The following IL23R variants were observed in gnomAD, a reference collection of about 807,000 sequenced individuals.
The protein encoded by IL23R is interleukin 23 receptor.
In IL23R, 34 loss-of-function variants were observed where a neutral mutation model predicts 56.9. The ratio of observed to expected loss-of-function variants is 0.60; its 90% CI spans 0.45 to 0.80. The LOEUF (loss-of-function observed/expected upper bound fraction) is 0.80. Ranked by LOEUF, IL23R falls within the 30% of genes least tolerant of loss-of-function variation. The pLI is 0.00. For synonymous variants in IL23R, 230 were observed against 249.2 expected, an observed-to-expected ratio of 0.92 and a Z score of 0.73; for missense variants, 635 against 730.0, an observed-to-expected ratio of 0.87 and a Z score of 1.50.
At chr1:67,193,703 G>A (rs1647913135) in intron 4 of IL23R, among the ~76,000 whole-genome samples, 1 of 152,164 alleles carries the variant, frequency 6.6e-6, no homozygotes. Context: ...CCAAAGTGTT[G>A]TTCTCCTTTC....
chr1:67,222,886 T>G (rs1650392129), intron 7 of IL23R, among the ~76,000 whole-genome samples: 1 of 152,208 alleles, frequency 6.6e-6, no homozygotes, highest in Non-Finnish European at 1.5e-5. Flanking sequence ...AATTTCATTC[T>G]TTAATTTCAG....
intron 1 of IL23R, among the ~76,000 whole-genome samples, chr1:67,157,810 T>C (rs1009350316): frequency 2.6e-5 from 4 of 152,246 alleles, no homozygotes; most frequent in Non-Finnish European, 5.9e-5. Flanking sequence ...ACTTTCTGTC[T>C]CTCTTCTCAG....
chr1:67,207,500 C>A (rs1649156323), intron 6 of IL23R: 1 of 314,912 alleles, frequency 3.2e-6, no homozygotes, highest in East Asian at 8.8e-5. Context: ...GTGGGAGGGA[C>A]CCAGGGGGAG....
intron 2 of IL23R, among the ~76,000 whole-genome samples, chr1:67,168,692 A>G (rs1239132135): frequency 6.6e-6 from 1 of 152,230 alleles, no homozygotes; most frequent in Non-Finnish European, 1.5e-5. Flanking sequence ...AATGGGGTTC[A>G]GATTCTACAG....
chr1:67,158,810 T>C lies in IL23R; in HGVS notation c.-633-9282T>C, dbSNP rs1436039968. On this transcript the variant is annotated intron_variant, in intron 1 of 10. Coordinates refer to the IL23R transcript ENST00000637002. ...ATTGGAGGAGGGGCCTGGTGGGAGA[T>C]GATTGGATCATGGGGGCAGATTTTA... Among the ~76,000 whole-genome samples the C allele has an allele frequency of 2.6e-5, 4 of 151,734 alleles. No individual in the cohort carries two copies. The East Asian group carries it at 7.8e-4, about 30-fold the overall frequency.
intron 1 of IL23R, among the ~76,000 whole-genome samples, chr1:67,139,750 C>T (rs1357021464): frequency 6.6e-6 from 1 of 152,070 alleles, no homozygotes; most frequent in African/African-American, 2.4e-5. Context: ...GCTATGTTGC[C>T]TAGGCTAGTT....
chr1:67,169,729 T>C, intron 3 of IL23R, 91 bp downstream of exon 3: 1 of 1,198,694 alleles, frequency 8.3e-7, no homozygotes, highest in Non-Finnish European at 1.2e-6. Flanking sequence ...AGGGACAAAA[T>C]AATATAGTTC....
chr1:67,218,176 G>A (rs898479965), intron 6 of IL23R, among the ~76,000 whole-genome samples: 23 of 151,942 alleles, frequency 1.5e-4, no homozygotes, highest in African/African-American at 3.6e-4. Context: ...GGGAAAAAAG[G>A]ATTTTTGTGT....
At chr1:67,233,133 G>A (rs1401957092) in intron 7 of IL23R, among the ~76,000 whole-genome samples, 2 of 144,714 alleles carry the variant, frequency 1.4e-5, no homozygotes, top group Non-Finnish European at 3.0e-5. Context: ...TGGATCACCT[G>A]AGGTCAGGAG....
chr1:67,139,673 T>C (rs1434403801), intron 1 of IL23R, among the ~76,000 whole-genome samples: 5 of 152,224 alleles, frequency 3.3e-5, no homozygotes, highest in Admixed American at 1.3e-4. Flanking sequence ...TGAACTTTAA[T>C]CTCCAGTGTG....
chr1:67,168,406 C>T (rs552686619), intron 2 of IL23R, among the ~76,000 whole-genome samples: 3 of 152,284 alleles, frequency 2.0e-5, no homozygotes, highest in African/African-American at 7.2e-5. Flanking sequence ...TCTAGACAGC[C>T]CTCTTACTCA....
intron 6 of IL23R, among the ~76,000 whole-genome samples, chr1:67,214,395 C>G (rs1320892382): frequency 1.3e-5 from 2 of 152,204 alleles, no homozygotes. Context: ...CTTTCAAACT[C>G]TGTTTCCCTA....
At chr1:67,173,790 A>T (rs1646974908) in intron 3 of IL23R, among the ~76,000 whole-genome samples, 1 of 152,202 alleles carries the variant, frequency 6.6e-6, no homozygotes, top group Non-Finnish European at 1.5e-5. Flanking sequence ...TATCATTCCC[A>T]TAAAACCATA....
chr1:67,216,267 T>C (rs1439005001), intron 6 of IL23R, among the ~76,000 whole-genome samples: 2 of 152,234 alleles, frequency 1.3e-5, no homozygotes, highest in Admixed American at 6.5e-5. Flanking sequence ...GCCATGATCA[T>C]TTTTTGCATC....
At chr1:67,143,866 G>A (rs77689282) in intron 1 of IL23R, among the ~76,000 whole-genome samples, 2 of 152,308 alleles carry the variant, frequency 1.3e-5, no homozygotes, top group East Asian at 3.9e-4. Flanking sequence ...GTTTGTGTGT[G>A]TATGTGTGTG....
chr1:67,230,643 A>G (rs1030716484), intron 7 of IL23R, among the ~76,000 whole-genome samples: 1 of 152,234 alleles, frequency 6.6e-6, no homozygotes, highest in Non-Finnish European at 1.5e-5. Flanking sequence ...AAGAAGGAAG[A>G]TAAACCCTTG....
At chr1:67,207,635 A>T (rs756888868) in intron 6 of IL23R, 63 of 402,656 alleles carry the variant, frequency 1.6e-4, no homozygotes, top group Non-Finnish European at 4.9e-5. Context: ...TCTTGCCACC[A>T]CTAAGTAAGA....
At chr1:67,152,358 A>G (rs1280222854) in intron 1 of IL23R, among the ~76,000 whole-genome samples, 2 of 152,282 alleles carry the variant, frequency 1.3e-5, no homozygotes, top group Middle Eastern at 3.4e-3. Flanking sequence ...GTTTTTGGGC[A>G]GAGACGATGG....
intron 3 of IL23R, among the ~76,000 whole-genome samples, chr1:67,173,003 G>C (rs761256520): frequency 6.6e-6 from 1 of 152,146 alleles, no homozygotes; most frequent in Non-Finnish European, 1.5e-5. Flanking sequence ...CAGTAGAAAG[G>C]GATCCTTGGC....
Sources: allele counts gnomAD v4.1 joint callset (sites outside exome capture counted in the v4.1 genomes callset), GRCh38; gene constraint gnomAD v4.1.1; transcripts MANE v1.5; gene names NCBI Gene and HGNC (gene_info 2026-07-23, HGNC 2026-07-21).